The following GRIK1 variants were observed in gnomAD, a reference collection of about 807,000 sequenced individuals.
GRIK1 encodes glutamate ionotropic receptor kainate type subunit 1.
Under a neutral mutation model 105.7 loss-of-function variants are expected in GRIK1, and 69 were observed. The observed-to-expected ratio is 0.65, with a 90% CI of 0.54 to 0.80. GRIK1 has a LOEUF of 0.80. Among genes scored for constraint, GRIK1 ranks in the 30% least tolerant of loss-of-function variants. GRIK1 has a pLI of 0.00. For synonymous variants in GRIK1, 438 were observed against 431.3 expected, an observed-to-expected ratio of 1.02 and a Z score of -0.19; for missense variants, 1,109 against 1,167.3, an observed-to-expected ratio of 0.95 and a Z score of 0.73.
chr21:29,643,017 C>T (rs768543339), intron 6 of GRIK1, 48 bp from the exon 7 acceptor site: 305 of 1,567,580 alleles, frequency 1.9e-4, no homozygotes, highest in Non-Finnish European at 1.9e-4. Context: ...TTTTGCTTAC[C>T]TTCCTTTACT....
At chr21:29,746,004 T>G (rs1217245603) in intron 1 of GRIK1, among the ~76,000 whole-genome samples, 1 of 152,034 alleles carries the variant, frequency 6.6e-6, no homozygotes, top group Non-Finnish European at 1.5e-5. Context: ...CTCGGGAGGC[T>G]GAGGCAGGAG....
At chr21:29,637,999 A>G (rs575385470) in intron 7 of GRIK1, among the ~76,000 whole-genome samples, 3 of 152,140 alleles carry the variant, frequency 2.0e-5, no homozygotes, top group Non-Finnish European at 2.9e-5. Context: ...TTTATCCTAG[A>G]CTCCAATAAT....
intron 7 of GRIK1, among the ~76,000 whole-genome samples, chr21:29,611,509 C>T (rs1053599838): frequency 6.6e-6 from 1 of 152,056 alleles, no homozygotes; most frequent in East Asian, 1.9e-4. Context: ...GCATGAGAGT[C>T]GTGTTGATAA....
intron 4 of GRIK1, among the ~76,000 whole-genome samples, chr21:29,667,262 ATC>A (rs764011855): frequency 3.3e-5 from 5 of 152,224 alleles, no homozygotes; most frequent in African/African-American, 4.8e-5. Context: ...CAATTTAAGC[ATC>A]TCTGTTTGCC....
intron 16 of GRIK1, among the ~76,000 whole-genome samples, chr21:29,541,442 T>C (rs1300305876): frequency 2.0e-5 from 3 of 152,196 alleles, no homozygotes; most frequent in African/African-American, 7.2e-5. Context: ...AGAACTATTA[T>C]GATAATTCAA....
intron 16 of GRIK1, among the ~76,000 whole-genome samples, chr21:29,542,869 A>G (rs2089993368): frequency 6.6e-6 from 1 of 152,200 alleles, no homozygotes; most frequent in Non-Finnish European, 1.5e-5. Flanking sequence ...AGGCACTTGA[A>G]GTGCTCTGTG....
intron 1 of GRIK1, among the ~76,000 whole-genome samples, chr21:29,780,220 G>A (rs963916317): frequency 1.6e-3 from 244 of 152,224 alleles, no homozygotes; most frequent in African/African-American, 5.7e-3. Flanking sequence ...TTCCTGAAAG[G>A]TACTTATGGG....
intron 1 of GRIK1, among the ~76,000 whole-genome samples, chr21:29,817,655 A>G (rs1216896652): frequency 6.6e-6 from 1 of 152,094 alleles, no homozygotes; most frequent in Non-Finnish European, 1.5e-5. Context: ...TTACACATTC[A>G]TAGGGGTCAT....
At chr21:29,680,338 A>T (rs2063346941) in intron 3 of GRIK1, among the ~76,000 whole-genome samples, 2 of 152,214 alleles carry the variant, frequency 1.3e-5, no homozygotes, top group Non-Finnish European at 2.9e-5. Context: ...AACACATTCA[A>T]ATATCCTCTC....
intron 1 of GRIK1, among the ~76,000 whole-genome samples, chr21:29,864,504 TTAAG>T (rs2068743714): frequency 6.6e-6 from 1 of 152,186 alleles, no homozygotes; most frequent in Non-Finnish European, 1.5e-5. Context: ...AACCCTTCTA[TTAAG>T]TTTTATTTCA....
intron 1 of GRIK1, among the ~76,000 whole-genome samples, chr21:29,889,313 A>G (rs979654957): frequency 3.9e-5 from 6 of 152,172 alleles, no homozygotes; most frequent in African/African-American, 1.4e-4. Context: ...AAGGTGGAGA[A>G]CATATTTGTC....
chr21:29,589,616 G>A (rs368819589), intron 10 of GRIK1, among the ~76,000 whole-genome samples: 38 of 151,756 alleles, frequency 2.5e-4, no homozygotes, highest in African/African-American at 8.7e-4. Flanking sequence ...TAGTAGAGAC[G>A]GGGTTTCACC....
intron 2 of GRIK1, among the ~76,000 whole-genome samples, chr21:29,693,615 A>G (rs1161366945): frequency 6.6e-6 from 1 of 152,148 alleles, no homozygotes; most frequent in Non-Finnish European, 1.5e-5. Flanking sequence ...GGAAGGAAAA[A>G]CAGATCAAGC....
chr21:29,817,241 C>T (rs888095872), intron 1 of GRIK1, among the ~76,000 whole-genome samples: 8 of 151,712 alleles, frequency 5.3e-5, no homozygotes, highest in African/African-American at 1.9e-4. Flanking sequence ...TAAGATGTTG[C>T]ATGAATAAAA....
intron 1 of GRIK1, among the ~76,000 whole-genome samples, chr21:29,710,183 T>C (rs913407058): frequency 1.3e-5 from 2 of 152,070 alleles, no homozygotes; most frequent in African/African-American, 4.8e-5. Context: ...ATGAATACTA[T>C]TCTTTATATT....
At chr21:29,682,790 A>G (rs914080212) in intron 3 of GRIK1, among the ~76,000 whole-genome samples, 22 of 152,234 alleles carry the variant, frequency 1.4e-4, no homozygotes, top group African/African-American at 5.1e-4. Flanking sequence ...GTGGGACCCA[A>G]TTAAACTAAA....
chr21:29,844,485 G>T (rs1458095721), intron 1 of GRIK1, among the ~76,000 whole-genome samples: 6 of 152,220 alleles, frequency 3.9e-5, no homozygotes, highest in Non-Finnish European at 5.9e-5. Flanking sequence ...TAAGGAAAGA[G>T]ATGCTGAAGT....
rs566454472 is a variant in GRIK1, at chr21:29,537,615, A to G, written c.2694+183T>C. On this transcript the variant is annotated intron_variant, in intron 17 of 17. Transcript: ENST00000327783. Reference sequence around the variant, plus strand: ...GCAAACTTTGGGATTTCATTCACAAATGCAGTAGTATAAAACTACCCAGTT... The same window carrying G: ...GCAAACTTTGGGATTTCATTCACAAGTGCAGTAGTATAAAACTACCCAGTT... 8.7e-6 allele frequency: 6 copies of G among 688,778 alleles called. No individual in the cohort carries two copies. The African/African-American group carries it at 9.0e-5, about 10-fold the overall frequency. The allele number at this position is 688,778 out of a possible 1,614,324, so 42.7% of individuals were successfully genotyped here.
chr21:29,787,899 C>G (rs1467620179), intron 1 of GRIK1, among the ~76,000 whole-genome samples: 5 of 151,988 alleles, frequency 3.3e-5, no homozygotes, highest in African/African-American at 1.2e-4. Flanking sequence ...TTTTAGTGTC[C>G]CTCATTTTGT....
Sources: allele counts gnomAD v4.1 joint callset (sites outside exome capture counted in the v4.1 genomes callset), GRCh38; gene constraint gnomAD v4.1.1; transcripts MANE v1.5; gene names NCBI Gene and HGNC (gene_info 2026-07-23, HGNC 2026-07-21).